The following PSKH2 variants were observed in gnomAD, a reference collection of about 807,000 sequenced individuals.
The protein encoded by PSKH2 is serine/threonine-protein kinase H2.
Under a neutral mutation model 22.5 loss-of-function variants are expected in PSKH2, and 16 were observed. The observed-to-expected ratio is 0.71, with a 90% CI of 0.48 to 1.08. The LOEUF is 1.08. PSKH2 is among the 50% of genes least tolerant of loss of function. PSKH2 has a pLI of 0.00. For synonymous variants in PSKH2, 188 were observed against 184.8 expected, an observed-to-expected ratio of 1.02 and a Z score of -0.14; for missense variants, 516 against 492.8, an observed-to-expected ratio of 1.05 and a Z score of -0.44.
At chr8:86,049,722 GAA>G (rs1817592267) in intron 2 of PSKH2, among the ~76,000 whole-genome samples, 1 of 69,116 alleles carries the variant, frequency 1.4e-5, no homozygotes, top group Non-Finnish European at 2.9e-5. Context: ...AAGAAAGAAA[GAA>G]AGAAAGAAAG....
Position 86,069,624 on chromosome 8 carries a change from C to A in PSKH2, c.-2G>T. On this transcript the variant is annotated 5_prime_UTR_variant, in exon 1 of 3. Coordinates refer to ENST00000276616, the MANE Select transcript of PSKH2 (RefSeq NM_033126.3). ...CTTCCTGCTGGCGCCGCACCCCATA[C>A]CCGCAACACGCCCGCCGCTCGCGGG... 1 of 1,556,740 alleles carries A rather than the reference C, an allele frequency of 6.4e-7. No individual in the cohort carries two copies. The highest frequency in any genetic ancestry group is 8.6e-7 in the Non-Finnish European group (1 of 1,156,356).
At chr8:86,069,859 A>G (rs931631606), upstream of PSKH2, among the ~76,000 whole-genome samples, 4 of 152,162 alleles carry the variant, frequency 2.6e-5, no homozygotes, top group Non-Finnish European at 5.9e-5. Context: ...AAGTCAACCA[A>G]CAGGCAGAAC....
Position 86,048,668 on chromosome 8 carries a change from G to A in PSKH2, c.952C>T (p.Pro318Ser). 1 of 1,614,124 alleles carries A rather than the reference G, an allele frequency of 6.2e-7. No homozygotes were observed. The highest frequency in any genetic ancestry group is 8.5e-7 in the Non-Finnish European group (1 of 1,180,008). ...CCTGCAGCCATGGTGATCACCCAGG[G>A]ATGGTCCAGGGCCTGGCCAGCTGAC... ...RMSAGQALDH[P>S]WVITMAAGSS... is the part of the protein sequence containing the mutation. Residue 318 changes from proline (P) to serine (S), a missense_variant, in exon 3 of 3, where the codon CCC becomes TCC. Pro to Ser is a moderately conservative substitution (Grantham distance 74). Coordinates refer to ENST00000276616, the MANE Select transcript of PSKH2 (RefSeq NM_033126.3).
chr8:86,048,869 A>C lies in PSKH2; in HGVS notation c.853-102T>G, dbSNP rs777653650. 5.4e-6 allele frequency: 6 copies of C among 1,103,024 alleles called. 1 individual carries two copies. The highest frequency in any genetic ancestry group is 7.5e-6 in the Non-Finnish European group (6 of 797,068). 68.3% of individuals were successfully genotyped at this position (1,103,024 alleles called of 1,614,324 possible). A position where few individuals can be genotyped will look rare whatever the true frequency, so the allele number is the denominator to read the frequency against. ...AATTACATAGATCAATGCCAATCGA[A>C]TCCAAAAAACTTTTTCAAATAAGCA... On this transcript the variant is annotated intron_variant, in intron 2 of 2. Transcript: ENST00000276616.
In PSKH2 at chr8:86,069,448, C is replaced by T. The variant is rs776616019; in HGVS notation, c.175G>A (p.Val59Ile). ...ARFRAKFDPR[V>I]LARYDIKALI... ...CACGTGGCGCTTTACCTGGCAAGGA[C>T]CCGGGGGTCGAACTTGGCTCGGAAG... Residue 59 changes from valine (V) to isoleucine (I), a missense_variant, in exon 1 of 3, where the codon GTC becomes ATC. Val to Ile is a conservative substitution (Grantham distance 29, BLOSUM62 3). Coordinates refer to ENST00000276616, the MANE Select transcript of PSKH2 (RefSeq NM_033126.3). The T allele has an allele frequency of 1.3e-6, 2 of 1,591,650 alleles. No individual in the cohort carries two copies. Among genetic ancestry groups the T allele is most frequent in the Non-Finnish European group, 1.7e-6 (2 of 1,169,400 alleles).
rs549103323 is a variant in PSKH2 at position 86,067,552 on chromosome 8, A to T, written c.185+1886T>A. 7.3e-5 allele frequency among the ~76,000 whole-genome samples: 11 copies of T among 151,610 alleles called. No homozygotes were observed. The South Asian group carries it at 2.3e-3, about 32-fold the overall frequency. ...TCTCTTAAAGAGTAGCCTCAGAGTC[A>T]GTTTAGTAGGTTGGACAATTTTGTA... is the stretch of plus-strand genomic sequence containing the variant. On this transcript the variant is annotated intron_variant, in intron 1 of 2. Coordinates refer to ENST00000276616, the MANE Select transcript of PSKH2 (RefSeq NM_033126.3).
intron 2 of PSKH2, among the ~76,000 whole-genome samples, chr8:86,053,126 C>T (rs371278995): frequency 4.6e-5 from 7 of 152,142 alleles, no homozygotes; most frequent in African/African-American, 1.7e-4. Flanking sequence ...AACAATATTC[C>T]TCTGTTGTTT....
At chr8:86,056,557 T>C (rs1383170424) in intron 2 of PSKH2, among the ~76,000 whole-genome samples, 2 of 152,190 alleles carry the variant, frequency 1.3e-5, no homozygotes, top group African/African-American at 4.8e-5. Context: ...ACTTGATAAA[T>C]GAAGTTTGTA....
At chr8:86,066,547 G>C (rs1817862066) in intron 1 of PSKH2, 1 of 152,054 alleles carries the variant, frequency 6.6e-6, no homozygotes, top group African/African-American at 2.4e-5. Flanking sequence ...ACAGAGAATG[G>C]AATGTACTCA....
chr8:86,055,189 T>G (rs1586059848), intron 2 of PSKH2, among the ~76,000 whole-genome samples: 1 of 152,150 alleles, frequency 6.6e-6, no homozygotes, highest in Non-Finnish European at 1.5e-5. Flanking sequence ...TTCTGGAAAC[T>G]TAAATAGTTC....
chr8:86,060,947 G>A (rs1817769384), intron 2 of PSKH2, among the ~76,000 whole-genome samples: 1 of 152,094 alleles, frequency 6.6e-6, no homozygotes, highest in Admixed American at 6.5e-5. Context: ...CCCTTCTTTT[G>A]AAGTGCTTTG....
rs561419597 is a variant in PSKH2 at position 86,051,344 on chromosome 8, G to A, written c.853-2577C>T. On this transcript the variant is annotated intron_variant, in intron 2 of 2. Transcript: ENST00000276616. ...CTCAGGTGATCCGCCTGCCTCGGCC[G>A]CCCAAATTGTTGGGATTACAGGCGT... Among the ~76,000 whole-genome samples, 15 of 152,188 alleles carry A rather than the reference G, an allele frequency of 9.9e-5. No individual in the cohort carries two copies. The East Asian group carries it at 1.7e-3, about 18-fold the overall frequency.
chr8:86,067,793 T>C (rs994368655), intron 1 of PSKH2, among the ~76,000 whole-genome samples: 5 of 152,208 alleles, frequency 3.3e-5, no homozygotes, highest in Admixed American at 2.0e-4. Flanking sequence ...AAGTTATAGA[T>C]GGAATCACAA....
chr8:86,062,512 T>C (rs1434943597), intron 2 of PSKH2, among the ~76,000 whole-genome samples: 2 of 152,158 alleles, frequency 1.3e-5, no homozygotes, highest in African/African-American at 2.4e-5. Flanking sequence ...GTGGAGGTGA[T>C]TGGATCATGG....
chr8:86,068,595 C>T (rs1001406798), intron 1 of PSKH2, among the ~76,000 whole-genome samples: 1 of 151,912 alleles, frequency 6.6e-6, no homozygotes, highest in Non-Finnish European at 1.5e-5. Flanking sequence ...GAGCTAGAAA[C>T]GAAGGAAGGA....
chr8:86,047,885 C>T lies in PSKH2; in HGVS notation c.*577G>A, dbSNP rs1817549560. Among the ~76,000 whole-genome samples, 2 of 151,964 alleles carry T rather than the reference C, an allele frequency of 1.3e-5. No homozygotes were observed. Among genetic ancestry groups the T allele is most frequent in the South Asian group, 2.1e-4 (1 of 4,824 alleles). On this transcript the variant is annotated 3_prime_UTR_variant, in exon 3 of 3. Coordinates refer to ENST00000276616, the MANE Select transcript of PSKH2 (RefSeq NM_033126.3). Reference sequence around the variant, plus strand: ...GATTCTTAAAAATCTCTATTTTTCCCGTGAATAATGCCCCAATTAGACTAA... The same window carrying T: ...GATTCTTAAAAATCTCTATTTTTCCTGTGAATAATGCCCCAATTAGACTAA...
At position 86,048,698 on chromosome 8, in the gene PSKH2, G is replaced by A. The variant is rs761690232; in HGVS notation, c.922C>T (p.Arg308Cys). The A allele has an allele frequency of 3.8e-5, 61 of 1,613,980 alleles. No individual in the cohort carries two copies. Among genetic ancestry groups the A allele is most frequent in the Non-Finnish European group, 4.5e-5 (53 of 1,180,014 alleles). The stretch of plus-strand genomic sequence containing the variant: ...TCCAGGGCCTGGCCAGCTGACATGC[G>A]ATGACCAGCCTCCAAAATCAGTAGT... Reference protein sequence around the residue: ...DKLLILEAGHRMSAGQALDHP... With the variant: ...DKLLILEAGHCMSAGQALDHP... Residue 308 changes from arginine to cysteine, a missense_variant, in exon 3 of 3, where the codon CGC (arginine) becomes TGC (cysteine). Transcript: ENST00000276616.
At chr8:86,068,919 T>C (rs1817904781) in intron 1 of PSKH2, among the ~76,000 whole-genome samples, 1 of 152,058 alleles carries the variant, frequency 6.6e-6, no homozygotes. Flanking sequence ...CTGAACTCCC[T>C]GTTCAGAGAT....
In PSKH2 at chr8:86,064,548, G is replaced by A; in HGVS notation, c.269C>T (p.Ala90Val). ...VEQKTTKKPF[A>V]IKVMETRERE... ...CTCTCTGGTTTCCATCACTTTTATTGCAAAAGGTTTCTTGGTGGTCTTCTG... is the reference window on the plus strand; with the variant it reads ...CTCTCTGGTTTCCATCACTTTTATTACAAAAGGTTTCTTGGTGGTCTTCTG... The change falls in exon 2 of 3, where the codon GCA becomes GTA. Residue 90 changes from alanine (A) to valine (V), a missense_variant. Ala to Val is a moderately conservative substitution (Grantham distance 64, BLOSUM62 0). Transcript: ENST00000276616. The A allele has an allele frequency of 6.2e-7, 1 of 1,613,842 alleles. No homozygotes were observed. Among genetic ancestry groups the A allele is most frequent in the Non-Finnish European group, 8.5e-7 (1 of 1,179,972 alleles).
Sources: gnomAD v4.1 joint callset for allele counts (sites outside exome capture counted in the v4.1 genomes callset) on GRCh38, gnomAD v4.1.1 for gene constraint, MANE v1.5 for transcripts, NCBI Gene and HGNC (gene_info 2026-07-23, HGNC 2026-07-21) for gene names.